The following MAGI2 variants were observed in gnomAD, a reference collection of about 807,000 sequenced individuals.
The protein encoded by MAGI2 is membrane associated guanylate kinase, WW and PDZ domain containing 2, also known as membrane-associated guanylate kinase, WW and PDZ domain-containing protein 2.
A neutral mutation model predicts 133.3 loss-of-function variants in MAGI2; 35 were observed. The ratio of observed to expected loss-of-function variants is 0.26; its 90% CI spans 0.20 to 0.35. The LOEUF (loss-of-function observed/expected upper bound fraction) is 0.35. Ranked by LOEUF, MAGI2 falls within the 10% of genes least tolerant of loss-of-function variation. The pLI, the probability that MAGI2 is intolerant of heterozygous loss-of-function variation, is 1.00. For synonymous variants in MAGI2, 729 were observed against 710.6 expected (o/e 1.03, Z -0.41); for missense variants, 1,636 against 1,863.4 (o/e 0.88, Z 2.25).
At chr7:78,534,131 C>G (rs1448454388) in intron 3 of MAGI2, among the ~76,000 whole-genome samples, 1 of 152,202 alleles carries the variant, frequency 6.6e-6, no homozygotes, top group Admixed American at 6.5e-5. Flanking sequence ...AACTTACCTT[C>G]TCCTGAGGGA....
At chr7:79,335,516 T>C (rs1030253616) in intron 1 of MAGI2, among the ~76,000 whole-genome samples, 1 of 152,028 alleles carries the variant, frequency 6.6e-6, no homozygotes, top group Non-Finnish European at 1.5e-5. Context: ...TGCAAAACTT[T>C]AGTACAATAA....
intron 2 of MAGI2, among the ~76,000 whole-genome samples, chr7:78,652,413 T>C (rs1811679707): frequency 6.6e-6 from 1 of 152,162 alleles, no homozygotes; most frequent in African/African-American, 2.4e-5. Flanking sequence ...AGCATGGTAC[T>C]GGTACCAAAA....
intron 2 of MAGI2, among the ~76,000 whole-genome samples, chr7:78,646,846 G>T (rs413001): frequency 0.13 from 19,017 of 152,032 alleles, 1,492 homozygotes; most frequent in East Asian, 0.42. Context: ...CTTTTCAAAA[G>T]TATTGCTTTT....
chr7:79,323,906 C>T (rs1367454461), intron 1 of MAGI2, among the ~76,000 whole-genome samples: 1 of 152,068 alleles, frequency 6.6e-6, no homozygotes, highest in Non-Finnish European at 1.5e-5. Flanking sequence ...GAGGCCTCTG[C>T]TTAACACCAC....
intron 14 of MAGI2, among the ~76,000 whole-genome samples, chr7:78,176,908 G>GACTCTCACACACACACAC (rs781171770): frequency 7.7e-5 from 10 of 130,486 alleles, no homozygotes; most frequent in African/African-American, 2.9e-4. Flanking sequence ...ACCATATATA[G>GACTCTCACACACACACAC]ACACACACAC....
chr7:78,366,163 G>A (rs1793358314), intron 7 of MAGI2, among the ~76,000 whole-genome samples: 1 of 152,080 alleles, frequency 6.6e-6, no homozygotes, highest in African/African-American at 2.4e-5. Context: ...AATGGCATTA[G>A]TAAATCAACA....
At chr7:79,220,817 C>T (rs968022400) in intron 1 of MAGI2, among the ~76,000 whole-genome samples, 2 of 152,052 alleles carry the variant, frequency 1.3e-5, no homozygotes, top group African/African-American at 4.8e-5. Flanking sequence ...AAATCATAGG[C>T]ATTCACGCCC....
In MAGI2 at chr7:78,652,910, T is replaced by C. The variant is rs147463976; in HGVS notation, c.419-25671A>G. ...TCTGACAAAGGGCTAATATCCAGAATCTACAAAGAACTTAAACAAATTTAC... is the reference window on the plus strand; with the variant it reads ...TCTGACAAAGGGCTAATATCCAGAACCTACAAAGAACTTAAACAAATTTAC... On this transcript the variant is annotated intron_variant, in intron 2 of 21. Coordinates refer to ENST00000354212, the MANE Select transcript of MAGI2 (RefSeq NM_012301.4). 5.8e-3 allele frequency among the ~76,000 whole-genome samples: 874 copies of C among 150,996 alleles called. 5 individuals carry two copies. Among genetic ancestry groups the C allele is most frequent in the African/African-American group, 0.02 (823 of 41,110 alleles).
intron 1 of MAGI2, among the ~76,000 whole-genome samples, chr7:79,204,655 G>T (rs912320924): frequency 4.8e-4 from 73 of 151,788 alleles, no homozygotes; most frequent in Non-Finnish European, 9.6e-4. Context: ...GCTTGACAAA[G>T]AATTCAAAAC....
chr7:78,984,657 T>C (rs775588551), intron 2 of MAGI2, among the ~76,000 whole-genome samples: 2 of 151,820 alleles, frequency 1.3e-5, no homozygotes, highest in Non-Finnish European at 2.9e-5. Context: ...GACAGTCCTA[T>C]TTAAAATTGG....
intron 1 of MAGI2, among the ~76,000 whole-genome samples, chr7:79,085,756 C>T (rs147080720): frequency 3.3e-4 from 50 of 151,970 alleles, no homozygotes; most frequent in African/African-American, 1.1e-3. Context: ...CTGCTAACGA[C>T]TCTGATCAGT....
chr7:78,127,688 G>A (rs1474622579), intron 18 of MAGI2, among the ~76,000 whole-genome samples: 1 of 152,192 alleles, frequency 6.6e-6, no homozygotes, highest in African/African-American at 2.4e-5. Flanking sequence ...ACTCATGGAT[G>A]TTCCTCTTTG....
intron 2 of MAGI2, among the ~76,000 whole-genome samples, chr7:78,778,428 C>T (rs960601396): frequency 6.6e-6 from 1 of 152,152 alleles, no homozygotes; most frequent in East Asian, 1.9e-4. Flanking sequence ...TATGTGTTAT[C>T]TAAAGTAGGG....
At chr7:78,055,151 CAATCATGCTTGCA>C (rs1563060374) in intron 21 of MAGI2, among the ~76,000 whole-genome samples, 1 of 152,036 alleles carries the variant, frequency 6.6e-6, no homozygotes, top group African/African-American at 2.4e-5. Flanking sequence ...GCTCTGGGCA[CAATCATGCTTGCA>C]AATAATAGAT....
chr7:78,548,809 A>G (rs959364141), intron 3 of MAGI2, among the ~76,000 whole-genome samples: 3 of 152,248 alleles, frequency 2.0e-5, no homozygotes, highest in Admixed American at 2.0e-4. Flanking sequence ...CCAGAATAGA[A>G]AACAGTGGGA....
rs116926397 is a variant in MAGI2 at position 78,930,820 on chromosome 7, T to A, written c.418+76270A>T. On this transcript the variant is annotated intron_variant, in intron 2 of 21. Transcript: ENST00000354212. ...ATCCTAACAGGAAAGCCATTCCAAT[T>A]TCTGTTTCCTATTCTCCTCACTTAA... Among the ~76,000 whole-genome samples, 1,007 of 152,236 alleles carry A rather than the reference T, an allele frequency of 6.6e-3. 11 individuals carry two copies. The highest frequency in any genetic ancestry group is 7.8e-3 in the Non-Finnish European group (527 of 67,996).
At chr7:78,635,618 A>G (rs964578538) in intron 2 of MAGI2, among the ~76,000 whole-genome samples, 9 of 152,240 alleles carry the variant, frequency 5.9e-5, no homozygotes, top group Admixed American at 5.2e-4. Flanking sequence ...TCTTATTCAT[A>G]TATTCCCCCT....
intron 1 of MAGI2, among the ~76,000 whole-genome samples, chr7:79,157,166 T>G (rs181492430): frequency 9.2e-4 from 140 of 152,196 alleles, no homozygotes; most frequent in African/African-American, 3.0e-3. Flanking sequence ...GAAACTGAAC[T>G]GTTGTTTTCA....
intron 1 of MAGI2, among the ~76,000 whole-genome samples, chr7:79,403,567 AG>A (rs1358042497): frequency 6.6e-6 from 1 of 152,186 alleles, no homozygotes; most frequent in African/African-American, 2.4e-5. Flanking sequence ...AACTCTTTCC[AG>A]AAAGCACAGT....
Sources: allele counts gnomAD v4.1 joint callset (sites outside exome capture counted in the v4.1 genomes callset), GRCh38; gene constraint gnomAD v4.1.1; transcripts MANE v1.5; gene names NCBI Gene and HGNC (gene_info 2026-07-23, HGNC 2026-07-21).